Variants in NELL1 observed in about 807,000 individuals in gnomAD.
NELL1 encodes protein kinase C-binding protein NELL1.
Under a neutral mutation model 107.4 loss-of-function variants are expected in NELL1, and 76 were observed. The observed-to-expected ratio is 0.71, with a 90% CI of 0.59 to 0.86. The LOEUF (loss-of-function observed/expected upper bound fraction) is 0.86, where lower values mean the gene tolerates loss of function less well. Ranked by LOEUF, NELL1 falls within the 40% of genes least tolerant of loss-of-function variation. The probability of loss-of-function intolerance (pLI) is 0.00; values close to 1 mark genes in which losing one functional copy is unlikely to be tolerated. For synonymous variants in NELL1, 353 were observed against 341.2 expected, an observed-to-expected ratio of 1.03 and a Z score of -0.38; for missense variants, 1,024 against 1,005.5, an observed-to-expected ratio of 1.02 and a Z score of -0.25.
chr11:21,271,895 T>C (rs949506450), intron 14 of NELL1, among the ~76,000 whole-genome samples: 10 of 152,086 alleles, frequency 6.6e-5, no homozygotes, highest in African/African-American at 2.2e-4. Flanking sequence ...ATCATAACAA[T>C]AGATGCAGAA....
At chr11:21,356,885 T>C (rs1041333605) in intron 14 of NELL1, among the ~76,000 whole-genome samples, 5 of 152,192 alleles carry the variant, frequency 3.3e-5, no homozygotes, top group African/African-American at 9.6e-5. Context: ...CTCCCACTTA[T>C]CAGTGAGAAC....
chr11:21,028,087 A>C (rs1852861756), intron 12 of NELL1, among the ~76,000 whole-genome samples: 1 of 152,158 alleles, frequency 6.6e-6, no homozygotes, highest in African/African-American at 2.4e-5. Flanking sequence ...TAGAGTAAAA[A>C]CAAAATGTAA....
intron 12 of NELL1, among the ~76,000 whole-genome samples, chr11:21,079,680 G>A (rs1397615412): frequency 1.3e-5 from 2 of 151,936 alleles, no homozygotes; most frequent in Non-Finnish European, 2.9e-5. Context: ...AGAATATATG[G>A]GAATAAACAC....
intron 15 of NELL1, among the ~76,000 whole-genome samples, chr11:21,399,033 C>T (rs1183395120): frequency 1.6e-5 from 2 of 124,876 alleles, no homozygotes; most frequent in Non-Finnish European, 3.6e-5. Context: ...AGCCATGTCT[C>T]TTCTGAAGAA....
chr11:21,065,870 C>G (rs1271620512), intron 12 of NELL1, among the ~76,000 whole-genome samples: 2 of 152,086 alleles, frequency 1.3e-5, no homozygotes, highest in Non-Finnish European at 2.9e-5. Flanking sequence ...TTTTAAAGAT[C>G]GAGTTATTTT....
intron 2 of NELL1, among the ~76,000 whole-genome samples, chr11:20,701,281 G>C (rs982573594): frequency 9.2e-5 from 14 of 152,044 alleles, no homozygotes; most frequent in Non-Finnish European, 1.2e-4. Flanking sequence ...ATTTTTTCAT[G>C]TGTCTTTTGG....
intron 15 of NELL1, among the ~76,000 whole-genome samples, chr11:21,409,352 G>C (rs1215796500): frequency 6.6e-6 from 1 of 151,910 alleles, no homozygotes; most frequent in Non-Finnish European, 1.5e-5. Context: ...AACACTGCAT[G>C]TTCTCACTCA....
At chr11:20,937,484 T>C (rs1850751378) in intron 9 of NELL1, among the ~76,000 whole-genome samples, 2 of 152,230 alleles carry the variant, frequency 1.3e-5, no homozygotes, top group South Asian at 4.1e-4. Context: ...TTGCCACCAG[T>C]TCTTTCTTGT....
chr11:21,093,670 G>A (rs1354964479), intron 12 of NELL1, among the ~76,000 whole-genome samples: 2 of 152,186 alleles, frequency 1.3e-5, no homozygotes, highest in Non-Finnish European at 2.9e-5. Context: ...ATAGCGGAAG[G>A]CAATGAGGAG....
chr11:21,154,119 G>T (rs923172412), intron 13 of NELL1, among the ~76,000 whole-genome samples: 3 of 152,178 alleles, frequency 2.0e-5, no homozygotes, highest in Non-Finnish European at 4.4e-5. Flanking sequence ...TGTGGCTTGT[G>T]CTGAAAGGTT....
chr11:20,892,088 A>T (rs1226940680), intron 5 of NELL1, among the ~76,000 whole-genome samples: 1 of 152,204 alleles, frequency 6.6e-6, no homozygotes, highest in Non-Finnish European at 1.5e-5. Context: ...CATGACTCTT[A>T]TTCTAAAATC....
At chr11:20,851,613 C>T (rs1590349050) in intron 4 of NELL1, among the ~76,000 whole-genome samples, 1 of 152,304 alleles carries the variant, frequency 6.6e-6, no homozygotes, top group Non-Finnish European at 1.5e-5. Flanking sequence ...ATCTGGGATT[C>T]AGTGCATAAG....
rs1261382668 is a variant in NELL1 at position 21,195,838 on chromosome 11, C to T, written c.1427-33494C>T. ...ACAATACAGCTCTAGGTCCTGGGGC[C>T]GAGCACCGAAGCAAGGGCTGGTAAT... On this transcript the variant is annotated intron_variant, in intron 13 of 19. Transcript: ENST00000357134. Among the ~76,000 whole-genome samples the T allele has an allele frequency of 5.9e-5, 9 of 152,192 alleles. No individual in the cohort carries two copies. The South Asian group carries it at 6.2e-4, about 11-fold the overall frequency.
chr11:21,279,263 T>C (rs1237909820), intron 14 of NELL1, among the ~76,000 whole-genome samples: 4 of 152,174 alleles, frequency 2.6e-5, no homozygotes, highest in African/African-American at 9.6e-5. Context: ...GAAAGAATAA[T>C]AATATGAAAT....
chr11:20,741,179 T>C (rs1293440115), intron 2 of NELL1, among the ~76,000 whole-genome samples: 4 of 19,866 alleles, frequency 2.0e-4, no homozygotes, highest in African/African-American at 5.7e-4. Context: ...CATTCTAAAG[T>C]TCAAATAGTA....
intron 15 of NELL1, among the ~76,000 whole-genome samples, chr11:21,416,112 G>A (rs1046057615): frequency 2.0e-5 from 3 of 152,032 alleles, no homozygotes; most frequent in Non-Finnish European, 4.4e-5. Flanking sequence ...AAAATAGAAC[G>A]CTACATAAGG....
chr11:21,300,654 A>T (rs1392193722), intron 14 of NELL1, among the ~76,000 whole-genome samples: 5 of 151,956 alleles, frequency 3.3e-5, no homozygotes. Context: ...GTCTGGTAGA[A>T]GCTTGGGGGA....
chr11:20,781,061 G>A (rs1366447134), intron 2 of NELL1, among the ~76,000 whole-genome samples: 1 of 152,202 alleles, frequency 6.6e-6, no homozygotes, highest in Non-Finnish European at 1.5e-5. Context: ...ATGGTGAAAA[G>A]AAGGCAGTAT....
chr11:21,246,789 C>A (rs1858503671), intron 14 of NELL1, among the ~76,000 whole-genome samples: 1 of 152,146 alleles, frequency 6.6e-6, no homozygotes, highest in Non-Finnish European at 1.5e-5. Context: ...TTCCACGTGG[C>A]TGAGGAGGCC....
Sources: gnomAD v4.1 joint callset for allele counts (sites outside exome capture counted in the v4.1 genomes callset) on GRCh38, gnomAD v4.1.1 for gene constraint, MANE v1.5 for transcripts, NCBI Gene and HGNC (gene_info 2026-07-23, HGNC 2026-07-21) for gene names.